Variants in ZDHHC3 observed in about 807,000 individuals in gnomAD.
ZDHHC3 encodes the protein palmitoyltransferase ZDHHC3.
A neutral mutation model predicts 30.6 loss-of-function variants in ZDHHC3; 9 were observed. The ratio of observed to expected loss-of-function variants is 0.29; its 90% CI spans 0.18 to 0.51. The LOEUF (loss-of-function observed/expected upper bound fraction) is 0.51, where lower values mean the gene tolerates loss of function less well. ZDHHC3 is among the 20% of genes least tolerant of loss of function. The pLI, the probability that ZDHHC3 is intolerant of heterozygous loss-of-function variation, is 0.97. For synonymous variants in ZDHHC3, 136 were observed against 140.2 expected (o/e 0.97, Z 0.21); for missense variants, 246 against 384.2 (o/e 0.64, Z 3.01).
chr3:44,973,151 AATTAAG>A (rs1302593639), intron 1 of ZDHHC3, among the ~76,000 whole-genome samples: 5 of 152,214 alleles, frequency 3.3e-5, no homozygotes. Context: ...TTGCTTTTGG[AATTAAG>A]ATTAACTATA....
intron 1 of ZDHHC3, among the ~76,000 whole-genome samples, chr3:44,968,607 G>C (rs1575955626): frequency 6.6e-6 from 1 of 152,202 alleles, no homozygotes; most frequent in South Asian, 2.1e-4. Context: ...GAGATAGGAG[G>C]ATCGCCTGAG....
chr3:44,975,759 C>CTG (rs1436851671), intron 1 of ZDHHC3, among the ~76,000 whole-genome samples, 174 bp downstream of exon 1: 4 of 146,250 alleles, frequency 2.7e-5, no homozygotes, highest in African/African-American at 1.1e-4. Context: ...CTCTCTCTCT[C>CTG]TCTCTCTCTC....
chr3:44,937,337 G>A (rs1043316330), intron 3 of ZDHHC3, among the ~76,000 whole-genome samples: 64 of 151,980 alleles, frequency 4.2e-4, no homozygotes, highest in African/African-American at 1.5e-3. Flanking sequence ...CCAGCTACTC[G>A]GGAGGCTGAG....
Position 44,923,330 on chromosome 3 carries a change from C to T in ZDHHC3, c.*3359G>A. ...TGACCTCGTGATCTGCCCGCCTCGG[C>T]CTCCCAAAGTGCTGGGATTACAGGC... On this transcript the variant is annotated 3_prime_UTR_variant, in exon 7 of 7. Coordinates refer to ENST00000424952, the MANE Select transcript of ZDHHC3 (RefSeq NM_001135179.2). 2 of 983,908 alleles carry T rather than the reference C, an allele frequency of 2.0e-6. No homozygotes were observed. Among genetic ancestry groups the T allele is most frequent in the South Asian group, 9.4e-5 (2 of 21,244 alleles). The allele number at this position is 983,908 out of a possible 1,614,324, so 60.9% of individuals were successfully genotyped here.
At chr3:44,934,221 A>G (rs1286022968) in intron 3 of ZDHHC3, among the ~76,000 whole-genome samples, 2 of 152,184 alleles carry the variant, frequency 1.3e-5, no homozygotes, top group Non-Finnish European at 2.9e-5. Context: ...AGCTTAACAC[A>G]TACATAGGAC....
chr3:44,922,997 A>G lies in ZDHHC3; in HGVS notation c.*3692T>C. 1 of 985,230 alleles carries G rather than the reference A, an allele frequency of 1.0e-6. No individual in the cohort carries two copies. The highest frequency in any genetic ancestry group is 1.2e-6 in the Non-Finnish European group (1 of 829,900). The allele number at this position is 985,230 out of a possible 1,614,324, so 61.0% of individuals were successfully genotyped here. On this transcript the variant is annotated 3_prime_UTR_variant, in exon 7 of 7. Coordinates refer to ENST00000424952, the MANE Select transcript of ZDHHC3 (RefSeq NM_001135179.2). ...AAAAGAGAGAAATTTAAAACCCATT[A>G]GCCTGGCTGAGAAAGCCCATCCCAG...
intron 3 of ZDHHC3, among the ~76,000 whole-genome samples, chr3:44,944,079 C>T (rs114578797): frequency 0.01 from 1,592 of 152,184 alleles, 27 homozygotes; most frequent in African/African-American, 0.037. Context: ...TGGGATCAAG[C>T]GATGCTCTGC....
Position 44,921,066 on chromosome 3 carries a change from A to C in ZDHHC3, c.*5623T>G. The C allele has an allele frequency of 1.0e-6, 1 of 985,384 alleles. No homozygotes were observed. Among genetic ancestry groups the C allele is most frequent in the Non-Finnish European group, 1.2e-6 (1 of 829,928 alleles). 61.0% of individuals were successfully genotyped at this position (985,384 alleles called of 1,614,324 possible). A position where few individuals can be genotyped will look rare whatever the true frequency, so the allele number is the denominator to read the frequency against. The stretch of plus-strand genomic sequence containing the variant: ...CTTCAGGCTCAAGAGAACGAACAAA[A>C]ATGGTTGATGCCTGGTAAGGGGGTC... On this transcript the variant is annotated 3_prime_UTR_variant, in exon 7 of 7. Transcript: ENST00000424952.
chr3:44,934,893 CAA>C (rs886501187), intron 3 of ZDHHC3, among the ~76,000 whole-genome samples: 11 of 60,072 alleles, frequency 1.8e-4, no homozygotes, highest in Admixed American at 5.2e-4. Flanking sequence ...ACTCTGTCTC[CAA>C]AAAAAAAAAA....
Position 44,924,281 on chromosome 3 carries a change from C to G in ZDHHC3, c.*2408G>C. 1.0e-6 allele frequency: 1 copy of G among 985,460 alleles called. No individual in the cohort carries two copies. The highest frequency in any genetic ancestry group is 1.2e-6 in the Non-Finnish European group (1 of 829,940). The allele number at this position is 985,460 out of a possible 1,614,324, so 61.0% of individuals were successfully genotyped here. On this transcript the variant is annotated 3_prime_UTR_variant, in exon 7 of 7. Transcript: ENST00000424952. The stretch of plus-strand genomic sequence containing the variant: ...CCTGTGTGGAAGCCAGGCTGGGAAC[C>G]AATCACTACCCTGCAAATGATGGCT...
At chr3:44,969,035 AG>A (rs1705189979) in intron 1 of ZDHHC3, among the ~76,000 whole-genome samples, 1 of 152,236 alleles carries the variant, frequency 6.6e-6, no homozygotes, top group South Asian at 2.1e-4. Flanking sequence ...TTCTCCTTGC[AG>A]GAAGTTTGTA....
chr3:44,973,159 TTAAC>T (rs1433105430), intron 1 of ZDHHC3, among the ~76,000 whole-genome samples: 1 of 152,208 alleles, frequency 6.6e-6, no homozygotes, highest in East Asian at 1.9e-4. Context: ...GGAATTAAGA[TTAAC>T]TATATAGTTC....
At position 44,917,968 on chromosome 3, in the gene ZDHHC3, G is replaced by A; in HGVS notation, c.*8721C>T. ...TGGATCCTCCATTGTTTCGGTGTCT[G>A]ACAGCGATGTCACCTGCCGCACCAT... On this transcript the variant is annotated 3_prime_UTR_variant, in exon 7 of 7. Coordinates refer to ENST00000424952, the MANE Select transcript of ZDHHC3 (RefSeq NM_001135179.2). The A allele has an allele frequency of 7.7e-7, 1 of 1,305,376 alleles. No homozygotes were observed. Among genetic ancestry groups the A allele is most frequent in the Non-Finnish European group, 1.0e-6 (1 of 988,964 alleles). 80.9% of individuals were successfully genotyped at this position (1,305,376 alleles called of 1,614,324 possible). A position where few individuals can be genotyped will look rare whatever the true frequency, so the allele number is the denominator to read the frequency against.
In ZDHHC3 at chr3:44,923,052, C is replaced by A. The variant is rs1216218012; in HGVS notation, c.*3637G>T. The A allele has an allele frequency of 1.0e-6, 1 of 984,042 alleles. No individual in the cohort carries two copies. Among genetic ancestry groups the A allele is most frequent in the Non-Finnish European group, 1.2e-6 (1 of 829,740 alleles). 61.0% of individuals were successfully genotyped at this position (984,042 alleles called of 1,614,324 possible). ...CCCGGAGAGGAGTTTCTGTGTAATG[C>A]CAACCTCACATACATGTTTAAAATG... On this transcript the variant is annotated 3_prime_UTR_variant, in exon 7 of 7. Coordinates refer to ENST00000424952, the MANE Select transcript of ZDHHC3 (RefSeq NM_001135179.2).
chr3:44,935,029 A>T (rs564928113), intron 3 of ZDHHC3, among the ~76,000 whole-genome samples: 5 of 152,312 alleles, frequency 3.3e-5, no homozygotes, highest in Non-Finnish European at 7.3e-5. Flanking sequence ...AGCAAGCACA[A>T]ACCCGCTCCC....
intron 1 of ZDHHC3, among the ~76,000 whole-genome samples, chr3:44,963,809 C>G (rs2125919166): frequency 6.6e-6 from 1 of 152,334 alleles, no homozygotes; most frequent in South Asian, 2.1e-4. Context: ...AGTTCCCCCT[C>G]CCTGTCTCCT....
At chr3:44,937,854 G>A in intron 3 of ZDHHC3, 1 of 470,210 alleles carries the variant, frequency 2.1e-6, no homozygotes, top group Non-Finnish European at 4.2e-6. Context: ...GAGGCTTACA[G>A]TGAAAGTGAC....
At chr3:44,945,991 T>C (rs1228519274) in intron 2 of ZDHHC3, among the ~76,000 whole-genome samples, 1 of 152,226 alleles carries the variant, frequency 6.6e-6, no homozygotes, top group African/African-American at 2.4e-5. Context: ...CTGACTATTT[T>C]TTGGTCTATA....
At chr3:44,937,349 C>T (rs546955511) in intron 3 of ZDHHC3, among the ~76,000 whole-genome samples, 72 of 151,754 alleles carry the variant, frequency 4.7e-4, no homozygotes, top group Non-Finnish European at 5.6e-4. Context: ...GAGGCTGAGG[C>T]GGGAGAATCG....
Sources: gnomAD v4.1 joint callset for allele counts (sites outside exome capture counted in the v4.1 genomes callset) on GRCh38, gnomAD v4.1.1 for gene constraint, MANE v1.5 for transcripts, NCBI Gene and HGNC (gene_info 2026-07-23, HGNC 2026-07-21) for gene names.